The following CHRNB4 variants were observed in gnomAD, a reference collection of about 807,000 sequenced individuals.
CHRNB4 encodes neuronal acetylcholine receptor subunit beta-4.
In CHRNB4, 23 loss-of-function variants were observed where a neutral mutation model predicts 40.4. That is an observed-to-expected ratio of 0.57 (90% CI 0.41 to 0.81). The LOEUF (loss-of-function observed/expected upper bound fraction) is 0.81. CHRNB4 is among the 30% of genes least tolerant of loss of function. CHRNB4 has a pLI of 0.00. For synonymous variants in CHRNB4, 285 were observed against 274.4 expected, an observed-to-expected ratio of 1.04 and a Z score of -0.38; for missense variants, 568 against 670.6, an observed-to-expected ratio of 0.85 and a Z score of 1.69.
chr15:78,647,721 G>A (rs983602682), intron 7 of CHRNB4, among the ~76,000 whole-genome samples: 37 of 149,302 alleles, frequency 2.5e-4, no homozygotes, highest in Admixed American at 6.7e-4. Flanking sequence ...TTAGCCGGGC[G>A]TGGTGGCAGG....
intron 1 of CHRNB4, among the ~76,000 whole-genome samples, chr15:78,636,427 A>C (rs2053951872): frequency 6.6e-6 from 1 of 152,068 alleles, no homozygotes; most frequent in Non-Finnish European, 1.5e-5. Flanking sequence ...GGTGGACTTA[A>C]AAATCAAATG....
At chr15:78,641,387 C>T (rs993039346), upstream of CHRNB4, 18 of 449,150 alleles carry the variant, frequency 4.0e-5, no homozygotes, top group Non-Finnish European at 6.6e-5. Flanking sequence ...CTTCGGGCCT[C>T]GCAACCTTCC....
upstream of CHRNB4, among the ~76,000 whole-genome samples, chr15:78,641,806 T>A (rs72648902): frequency 1.5e-3 from 232 of 152,304 alleles, no homozygotes; most frequent in Admixed American, 5.7e-3. Flanking sequence ...TCCTCCCCCA[T>A]GGGCCTTCCA....
Position 78,629,186 on chromosome 15 carries a change from G to C in CHRNB4, c.1119C>G (p.Thr373=). 6.2e-7 allele frequency: 1 copy of C among 1,613,990 alleles called. No homozygotes were observed. The highest frequency in any genetic ancestry group is 1.1e-5 in the South Asian group (1 of 91,070). The change falls in exon 5 of 6, where the codon ACC becomes ACG. Residue 373 remains threonine (T), a synonymous_variant. Coordinates refer to ENST00000261751, the MANE Select transcript of CHRNB4 (RefSeq NM_000750.5). The surrounding 1 kb of genome is among the most constrained non-coding windows in gnomAD (Gnocchi z 6.8). The part of the protein sequence containing the change: ...SKSCVTKPEA[T]ATSTSPSNFY... ...AGTTGGAGGGGCTGGTGGAGGTGGC[G>C]GTGGCCTCGGGCTTGGTCACGCATG...
intron 2 of CHRNB4, among the ~76,000 whole-genome samples, chr15:78,632,235 CTCTCTCTCTCTCTCTCTCTCTT>C: frequency 1.2e-5 from 1 of 86,824 alleles, no homozygotes; most frequent in African/African-American, 8.1e-5. Flanking sequence ...CTCTCTCTCT[CTCTCTCTCTCTCTCTCTCTCTT>C]TCTTTCTTTC....
chr15:78,656,511 A>G (rs1452570240), exon 4 of CHRNB4: 4 of 152,096 alleles, frequency 2.6e-5, no homozygotes, highest in African/African-American at 9.7e-5. Flanking sequence ...TGTGCAAGTA[A>G]GTAAATAAAA....
chr15:78,661,575 T>C, upstream of CHRNB4: 1 of 531,854 alleles, frequency 1.9e-6, no homozygotes, highest in Admixed American at 2.0e-5. Flanking sequence ...CGGAACGTTT[T>C]TTGGTCCTTG....
At chr15:78,641,588 T>G (rs1475329786), upstream of CHRNB4, among the ~76,000 whole-genome samples, 1 of 152,130 alleles carries the variant, frequency 6.6e-6, no homozygotes, top group Non-Finnish European at 1.5e-5. Flanking sequence ...TCATCTCAGG[T>G]TCATTCGCAT....
chr15:78,634,811 AAAGAG>A (rs1233769278), intron 2 of CHRNB4: 2 of 455,778 alleles, frequency 4.4e-6, no homozygotes, highest in Non-Finnish European at 4.4e-6. Context: ...CAGAGGCAGC[AAAGAG>A]AAGAGAAATT....
At chr15:78,648,615 G>T (rs1299042553) in intron 7 of CHRNB4, among the ~76,000 whole-genome samples, 1 of 151,506 alleles carries the variant, frequency 6.6e-6, no homozygotes, top group Non-Finnish European at 1.5e-5. Flanking sequence ...TTAGCCAGGT[G>T]TGGTGGCAGA....
rs759296925 is a variant in CHRNB4 at position 78,641,157 on chromosome 15, C to T, written c.-24G>A. The T allele has an allele frequency of 3.9e-6, 6 of 1,539,650 alleles. No homozygotes were observed. Among genetic ancestry groups the T allele is most frequent in the East Asian group, 4.9e-5 (2 of 40,492 alleles). The stretch of plus-strand genomic sequence containing the variant: ...ATGGCCGGCGGGGCCGGGTGGCAGC[C>T]GCCGCGAGCTCCGCTGTGGGGTCAC... On this transcript the variant is annotated 5_prime_UTR_variant, in exon 1 of 6. Transcript: ENST00000261751.
At chr15:78,637,016 C>T (rs768186589) in intron 1 of CHRNB4, among the ~76,000 whole-genome samples, 5 of 152,126 alleles carry the variant, frequency 3.3e-5, no homozygotes, top group South Asian at 4.1e-4. Flanking sequence ...GGGGATTTTC[C>T]GGGTTCAGAC....
At chr15:78,632,028 T>G (rs750553177) in intron 2 of CHRNB4, among the ~76,000 whole-genome samples, 3 of 152,190 alleles carry the variant, frequency 2.0e-5, no homozygotes, top group Non-Finnish European at 4.4e-5. Flanking sequence ...GGAAACCCCC[T>G]GGGATGCTTC....
upstream of CHRNB4, among the ~76,000 whole-genome samples, chr15:78,641,522 G>A (rs1264687939): frequency 6.6e-6 from 1 of 152,204 alleles, no homozygotes; most frequent in East Asian, 1.9e-4. Context: ...TGCTTGAGCG[G>A]GGAGGTCCTT....
upstream of CHRNB4, chr15:78,661,624 T>G (rs1036828464): frequency 4.2e-6 from 2 of 478,002 alleles, no homozygotes; most frequent in African/African-American, 4.0e-5. Flanking sequence ...CGCCTCCTGC[T>G]CGGCCAGTTC....
At chr15:78,652,439 T>G (rs1402051707) in intron 6 of CHRNB4, 1 of 152,256 alleles carries the variant, frequency 6.6e-6, no homozygotes, top group African/African-American at 2.4e-5. Context: ...GACTCAGACA[T>G]GAGGCCTTGT....
At chr15:78,654,650 C>T (rs1006516989) in intron 5 of CHRNB4, among the ~76,000 whole-genome samples, 6 of 152,180 alleles carry the variant, frequency 3.9e-5, no homozygotes, top group African/African-American at 1.2e-4. Context: ...ATTCCGGAGT[C>T]CAGATCATCC....
At chr15:78,630,730 G>A (rs1248030236) in intron 4 of CHRNB4, among the ~76,000 whole-genome samples, 3 of 152,184 alleles carry the variant, frequency 2.0e-5, no homozygotes, top group Non-Finnish European at 4.4e-5. Flanking sequence ...TTTACACACA[G>A]TAAGTCAGTG....
rs200466845 is a variant in CHRNB4, at chr15:78,635,531, T to C, written c.112A>G (p.Thr38Ala). 5.6e-6 allele frequency: 9 copies of C among 1,613,934 alleles called. No individual in the cohort carries two copies. In the East Asian group the frequency reaches 1.8e-4, roughly 32 times the overall value. The change falls in exon 2 of 6, where the codon ACC becomes GCC. Residue 38 changes from threonine (T) to alanine (A), a missense_variant. Physicochemically the swap from Thr to Ala is moderately conservative, Grantham distance 58. This residue lies in a region of CHRNB4 where 161 missense variants were observed against 148.1 expected (regional missense o/e 1.09). Transcript: ENST00000261751. ...EKLMDDLLNKTRYNNLIRPAT... is the reference protein window; with the variant it reads ...EKLMDDLLNKARYNNLIRPAT... ...GGGCGGATCAGGTTATTGTAACGGGTTTTGTTCAGAAGGTCGTCCATCAGC... is the reference window on the plus strand; with the variant it reads ...GGGCGGATCAGGTTATTGTAACGGGCTTTGTTCAGAAGGTCGTCCATCAGC...
Sources: gnomAD v4.1 joint callset for allele counts (sites outside exome capture counted in the v4.1 genomes callset) on GRCh38, gnomAD v4.1.1 for gene constraint, gnomAD v4.1.1 regional missense constraint, Gnocchi (gnomAD v3.1) non-coding constraint, MANE v1.5 for transcripts, NCBI Gene and HGNC (gene_info 2026-07-23, HGNC 2026-07-21) for gene names.